The following ATP8B1 variants were observed in gnomAD, a reference collection of about 807,000 sequenced individuals.
ATP8B1 encodes the protein phospholipid-transporting ATPase IC.
A neutral mutation model predicts 149.9 loss-of-function variants in ATP8B1; 80 were observed. The observed-to-expected ratio is 0.53, with a 90% CI of 0.45 to 0.64. The LOEUF (loss-of-function observed/expected upper bound fraction) is 0.64, where lower values mean the gene tolerates loss of function less well. Among genes scored for constraint, ATP8B1 ranks in the 30% least tolerant of loss-of-function variants. The pLI, the probability that ATP8B1 is intolerant of heterozygous loss-of-function variation, is 0.00. For missense variants in ATP8B1, 1,247 were observed against 1,552.6 expected (o/e 0.80, Z 3.31); for synonymous variants, 536 against 562.8 (o/e 0.95, Z 0.67).
intron 2 of ATP8B1, among the ~76,000 whole-genome samples, chr18:57,727,981 T>C (rs1240847216): frequency 6.6e-6 from 1 of 152,196 alleles, no homozygotes; most frequent in Non-Finnish European, 1.5e-5. Flanking sequence ...CACTCGAACC[T>C]GTGGGCTTAT....
intron 8 of ATP8B1, 100 bp from the exon 9 acceptor site, chr18:57,695,632 C>T (rs1009745346): frequency 6.8e-6 from 6 of 881,800 alleles, no homozygotes; most frequent in Admixed American, 2.0e-5. Context: ...GGACATGAAG[C>T]CTAAATAATT....
Position 57,658,164 on chromosome 18 carries a change from AGGCTCCCGAGT to A in ATP8B1, c.2708-2758_2708-2748del, listed in dbSNP as rs538373243. On this transcript the variant is annotated intron_variant, in intron 22 of 27. Coordinates refer to ENST00000648908, the MANE Select transcript of ATP8B1 (RefSeq NM_001374385.1). ...TGGGTTCCAGTGACTCTCCTGCCTC[AGGCTCCCGAGT>A]GGCTGGGATTACAGGTGCCCGCCAC... 3.3e-3 allele frequency among the ~76,000 whole-genome samples: 502 copies of A among 151,780 alleles called. 5 individuals are homozygous for A. Among genetic ancestry groups the A allele is most frequent in the African/African-American group, 0.012 (479 of 41,344 alleles).
At chr18:57,732,295 ATATG>A (rs2079789631) in intron 1 of ATP8B1, among the ~76,000 whole-genome samples, 1 of 36,890 alleles carries the variant, frequency 2.7e-5, no homozygotes, top group Non-Finnish European at 5.7e-5. Context: ...ATATGTATAT[ATATG>A]TGTATATATG....
chr18:57,700,570 A>G (rs1913067107), intron 6 of ATP8B1, among the ~76,000 whole-genome samples: 1 of 152,200 alleles, frequency 6.6e-6, no homozygotes, highest in African/African-American at 2.4e-5. Context: ...TCATCTTTTT[A>G]TCTATTTTTA....
chr18:57,725,259 A>AT (rs1205624468), intron 2 of ATP8B1, among the ~76,000 whole-genome samples: 2 of 151,564 alleles, frequency 1.3e-5, no homozygotes, highest in Non-Finnish European at 2.9e-5. Flanking sequence ...AATAAAAAAA[A>AT]AAGAAAAAAA....
chr18:57,795,462 T>C (rs1319738722), intron 1 of ATP8B1, among the ~76,000 whole-genome samples: 1 of 152,064 alleles, frequency 6.6e-6, no homozygotes, highest in Non-Finnish European at 1.5e-5. Flanking sequence ...TACCCAAATA[T>C]CTATCACAGA....
intron 15 of ATP8B1, among the ~76,000 whole-genome samples, chr18:57,679,348 C>T (rs2122781054): frequency 6.6e-6 from 1 of 152,182 alleles, no homozygotes; most frequent in African/African-American, 2.4e-5. Flanking sequence ...ACCCATGTAA[C>T]AAACATGCAC....
At chr18:57,765,494 C>T (rs372179254) in intron 1 of ATP8B1, among the ~76,000 whole-genome samples, 14 of 152,104 alleles carry the variant, frequency 9.2e-5, no homozygotes, top group Non-Finnish European at 1.3e-4. Context: ...ATGGTGAAAC[C>T]GCGTCTCTAC....
rs531626337 is a variant in ATP8B1 at position 57,689,184 on chromosome 18, C to T, written c.1221-677G>A. Among the ~76,000 whole-genome samples, 201 of 152,270 alleles carry T rather than the reference C, an allele frequency of 1.3e-3. 4 individuals carry two copies. Among genetic ancestry groups the T allele is most frequent in the Admixed American group, 0.013 (198 of 15,282 alleles). On this transcript the variant is annotated intron_variant, in intron 12 of 27. Transcript: ENST00000648908. Reference sequence around the variant, plus strand: ...ACTGCAGACAGAGCAGTGGACACAGCAAGCTTGACTCTTCCCCCATTCCCC... The same window carrying T: ...ACTGCAGACAGAGCAGTGGACACAGTAAGCTTGACTCTTCCCCCATTCCCC...
chr18:57,710,379 C>T (rs1260459896), intron 2 of ATP8B1, among the ~76,000 whole-genome samples: 1 of 152,080 alleles, frequency 6.6e-6, no homozygotes, highest in East Asian at 1.9e-4. Flanking sequence ...AATATGGCTA[C>T]GTGCTCTCCA....
intron 26 of ATP8B1, among the ~76,000 whole-genome samples, chr18:57,651,743 C>T (rs180857361): frequency 1.7e-4 from 26 of 152,144 alleles, no homozygotes; most frequent in African/African-American, 5.8e-4. Flanking sequence ...GCAATCCTCC[C>T]ACTTCAGCCT....
At chr18:57,735,953 C>T (rs1256561767) in intron 1 of ATP8B1, among the ~76,000 whole-genome samples, 3 of 151,416 alleles carry the variant, frequency 2.0e-5, no homozygotes, top group South Asian at 2.1e-4. Flanking sequence ...TGTCCTAATA[C>T]TCTCCCATTC....
At position 57,647,738 on chromosome 18, in the gene ATP8B1, T is replaced by C. The variant is rs1204668570; in HGVS notation, c.*750A>G. The C allele has an allele frequency of 6.5e-6, 1 of 153,554 alleles. No homozygotes were observed. Among genetic ancestry groups the C allele is most frequent in the Non-Finnish European group, 1.5e-5 (1 of 68,830 alleles). 9.5% of individuals were successfully genotyped at this position (153,554 alleles called of 1,614,324 possible). A position where few individuals can be genotyped will look rare whatever the true frequency, so the allele number is the denominator to read the frequency against. On this transcript the variant is annotated 3_prime_UTR_variant, in exon 28 of 28. Transcript: ENST00000648908. ...ATAACCAGTTGAATAATAGGACTTTTATTATTATTAAAAAATTTTTTTTGA... is the reference window on the plus strand; with the variant it reads ...ATAACCAGTTGAATAATAGGACTTTCATTATTATTAAAAAATTTTTTTTGA...
At chr18:57,713,240 C>CTTCATTCCTTCTTTCTTTCT (rs1555694278) in intron 2 of ATP8B1, among the ~76,000 whole-genome samples, 1 of 65,094 alleles carries the variant, frequency 1.5e-5, no homozygotes, top group Non-Finnish European at 3.2e-5. Context: ...TCCTTCCTTC[C>CTTCATTCCTTCTTTCTTTCT]TTCTTTCTTT....
intron 12 of ATP8B1, 32 bp from the exon 13 acceptor site, chr18:57,688,539 A>C (rs1156633765): frequency 6.2e-7 from 1 of 1,607,370 alleles, no homozygotes; most frequent in South Asian, 1.1e-5. Flanking sequence ...TTCCGTAGAG[A>C]GCTCGGATAC....
intron 1 of ATP8B1, among the ~76,000 whole-genome samples, chr18:57,759,259 C>A (rs567241828): frequency 1.3e-5 from 2 of 151,852 alleles, no homozygotes; most frequent in East Asian, 3.9e-4. Flanking sequence ...ATCTACCACC[C>A]TAGGTCCTTA....
At chr18:57,725,510 C>T (rs1363715817) in intron 2 of ATP8B1, among the ~76,000 whole-genome samples, 2 of 152,074 alleles carry the variant, frequency 1.3e-5, no homozygotes. Context: ...TGACTGTCTT[C>T]ACAGAAATAG....
At chr18:57,752,772 C>T (rs1371935732) in intron 1 of ATP8B1, among the ~76,000 whole-genome samples, 1 of 152,170 alleles carries the variant, frequency 6.6e-6, no homozygotes, top group East Asian at 1.9e-4. Flanking sequence ...ATACTTATCT[C>T]TAAAACATCA....
rs945437949 is a variant in ATP8B1, at chr18:57,784,181, A to G, written c.-26+18817T>C. Among the ~76,000 whole-genome samples the G allele has an allele frequency of 6.6e-6, 1 of 152,210 alleles. No individual in the cohort carries two copies. The highest frequency in any genetic ancestry group is 2.4e-5 in the African/African-American group (1 of 41,470). On this transcript the variant is annotated intron_variant, in intron 1 of 27. Transcript: ENST00000648908. The surrounding 1 kb of genome is among the most constrained non-coding windows in gnomAD (Gnocchi z 4.4). Reference sequence around the variant, plus strand: ...TTCCTGGGACAGGAAGGGACTCGTCATGCTTCAGAAACTGAAGGAGAAAAA... The same window carrying G: ...TTCCTGGGACAGGAAGGGACTCGTCGTGCTTCAGAAACTGAAGGAGAAAAA...
Sources: allele counts gnomAD v4.1 joint callset (sites outside exome capture counted in the v4.1 genomes callset), GRCh38; gene constraint gnomAD v4.1.1; non-coding constraint Gnocchi (gnomAD v3.1); transcripts MANE v1.5; gene names NCBI Gene and HGNC (gene_info 2026-07-23, HGNC 2026-07-21).